The following PCDH15 variants were observed in gnomAD, a reference collection of about 807,000 sequenced individuals.
The protein encoded by PCDH15 is protocadherin-15.
In PCDH15, 129 loss-of-function variants were observed where a neutral mutation model predicts 178.5. That is an observed-to-expected ratio of 0.72 (90% CI 0.63 to 0.84). PCDH15 has a LOEUF of 0.84. PCDH15 is among the 40% of genes least tolerant of loss of function. The pLI, the probability that PCDH15 is intolerant of heterozygous loss-of-function variation, is 0.00. For missense variants in PCDH15, 2,230 were observed against 2,099.9 expected (o/e 1.06, Z -1.21); for synonymous variants, 800 against 732.0 (o/e 1.09, Z -1.50).
intron 17 of PCDH15, among the ~76,000 whole-genome samples, chr10:54,071,607 A>G (rs1456966235): frequency 6.6e-6 from 1 of 152,148 alleles, no homozygotes; most frequent in Non-Finnish European, 1.5e-5. Context: ...TTACATTTAT[A>G]TTAGATGATT....
intron 1 of PCDH15, among the ~76,000 whole-genome samples, chr10:55,250,488 A>G (rs982513911): frequency 6.6e-6 from 1 of 151,488 alleles, no homozygotes; most frequent in African/African-American, 2.4e-5. Context: ...CTTGTAAAAA[A>G]AAAAACTAGT....
In PCDH15 at chr10:54,340,435, G is replaced by A. The variant is rs1343577585; in HGVS notation, c.594+5930C>T. 2.0e-5 allele frequency among the ~76,000 whole-genome samples: 3 copies of A among 152,148 alleles called. No homozygotes were observed. The East Asian group carries it at 5.8e-4, about 29-fold the overall frequency. On this transcript the variant is annotated intron_variant, in intron 6 of 37. Transcript: ENST00000644397. ...AGTACACCTCTAGTATGAATCAAAA[G>A]AGAGGAAGAACCAAACATTTTTGGT... is the stretch of plus-strand genomic sequence containing the variant.
chr10:54,900,059 T>C (rs1379422142), intron 2 of PCDH15, among the ~76,000 whole-genome samples: 1 of 152,150 alleles, frequency 6.6e-6, no homozygotes, highest in Non-Finnish European at 1.5e-5. Context: ...CCACAAAAGA[T>C]TGACTGTGTT....
rs575941878 is a variant in PCDH15, at chr10:54,906,194, T to C, written c.-79-8694A>G. Among the ~76,000 whole-genome samples the C allele has an allele frequency of 7.9e-5, 12 of 152,194 alleles. No homozygotes were observed. The East Asian group carries it at 2.3e-3, about 29-fold the overall frequency. On this transcript the variant is annotated intron_variant, in intron 2 of 5. Coordinates refer to the PCDH15 transcript ENST00000458638. The stretch of plus-strand genomic sequence containing the variant: ...AGAATCCAACATCCAATTTGTAAAT[T>C]GATACTTCCAGAATATTATCCACAT...
chr10:53,935,837 A>C (rs764409575), intron 25 of PCDH15, among the ~76,000 whole-genome samples: 6 of 152,164 alleles, frequency 3.9e-5, no homozygotes, highest in Admixed American at 6.5e-5. Context: ...TCTTTATAAA[A>C]ATATTTTGGC....
intron 25 of PCDH15, among the ~76,000 whole-genome samples, chr10:53,919,388 G>A (rs1185791668): frequency 6.6e-6 from 1 of 152,182 alleles, no homozygotes; most frequent in Admixed American, 6.5e-5. Context: ...ATACAAATAT[G>A]GGAGCTCTCA....
intron 1 of PCDH15, among the ~76,000 whole-genome samples, chr10:55,316,859 A>C (rs1843734212): frequency 6.6e-6 from 1 of 152,168 alleles, no homozygotes; most frequent in South Asian, 2.1e-4. Flanking sequence ...ATAGTGGCTA[A>C]TATTGTTCTG....
chr10:54,214,203 A>G (rs1332151007), intron 9 of PCDH15, among the ~76,000 whole-genome samples, 155 bp from the exon 10 acceptor site: 1 of 152,246 alleles, frequency 6.6e-6, no homozygotes, highest in Non-Finnish European at 1.5e-5. Flanking sequence ...GCAGACACAA[A>G]TGTGGTATAT....
chr10:54,592,074 A>G (rs2091922767), intron 2 of PCDH15, among the ~76,000 whole-genome samples: 1 of 152,158 alleles, frequency 6.6e-6, no homozygotes, highest in South Asian at 2.1e-4. Context: ...AGCATCTTAC[A>G]TTTGTGAACA....
chr10:55,544,135 CATACATATATATAT>C (rs56130011), intron 2 of PCDH15, among the ~76,000 whole-genome samples: 7,777 of 96,170 alleles, frequency 0.081, 360 homozygotes, highest in Middle Eastern at 0.17. Flanking sequence ...AAATCTTATA[CATACATATATATAT>C]ATATATATAT....
At chr10:54,184,426 A>G (rs2048299691) in intron 12 of PCDH15, among the ~76,000 whole-genome samples, 1 of 151,820 alleles carries the variant, frequency 6.6e-6, no homozygotes, top group Non-Finnish European at 1.5e-5. Flanking sequence ...TATACTTGTT[A>G]TTTACGTGTT....
chr10:55,430,786 G>A (rs1838863710), intron 2 of PCDH15, among the ~76,000 whole-genome samples: 1 of 152,248 alleles, frequency 6.6e-6, no homozygotes, highest in African/African-American at 2.4e-5. Flanking sequence ...GAAACAGTAA[G>A]CCAATGCCTG....
At chr10:54,702,026 C>T (rs368464785) in intron 1 of PCDH15, among the ~76,000 whole-genome samples, 29 of 152,056 alleles carry the variant, frequency 1.9e-4, no homozygotes, top group African/African-American at 5.6e-4. Context: ...GTACATGACA[C>T]ATACTATATA....
At chr10:54,939,788 C>T (rs538392608) in intron 2 of PCDH15, among the ~76,000 whole-genome samples, 7 of 152,180 alleles carry the variant, frequency 4.6e-5, no homozygotes, top group Admixed American at 3.9e-4. Context: ...AGAAACAATG[C>T]CTTTTTGTTG....
At chr10:54,631,065 C>A (rs1312591178) in intron 2 of PCDH15, among the ~76,000 whole-genome samples, 1 of 152,078 alleles carries the variant, frequency 6.6e-6, no homozygotes, top group Non-Finnish European at 1.5e-5. Flanking sequence ...AAATTGTAAT[C>A]CCCGATGTTG....
At chr10:54,844,548 CT>C (rs1324354098) in intron 3 of PCDH15, among the ~76,000 whole-genome samples, 6 of 151,900 alleles carry the variant, frequency 3.9e-5, no homozygotes, top group African/African-American at 7.2e-5. Flanking sequence ...TCCCTCACTC[CT>C]GCTTTGGTGG....
intron 1 of PCDH15, among the ~76,000 whole-genome samples, chr10:54,690,633 GTTATT>G (rs2095103993): frequency 6.6e-6 from 1 of 151,986 alleles, no homozygotes; most frequent in African/African-American, 2.4e-5. Flanking sequence ...ATTTTTTATA[GTTATT>G]TTAGAGTATA....
At chr10:54,473,011 A>T (rs2078024659) in intron 3 of PCDH15, among the ~76,000 whole-genome samples, 1 of 152,198 alleles carries the variant, frequency 6.6e-6, no homozygotes, top group African/African-American at 2.4e-5. Flanking sequence ...AGACTTCTAC[A>T]TAATTGTGTA....
chr10:53,905,904 TATACA>T (rs953250175), intron 25 of PCDH15, among the ~76,000 whole-genome samples: 2 of 151,882 alleles, frequency 1.3e-5, no homozygotes, highest in African/African-American at 2.4e-5. Context: ...AACTAATGAC[TATACA>T]ATACAAAATT....
Sources: allele counts gnomAD v4.1 joint callset (sites outside exome capture counted in the v4.1 genomes callset), GRCh38; gene constraint gnomAD v4.1.1; transcripts MANE v1.5; gene names NCBI Gene and HGNC (gene_info 2026-07-23, HGNC 2026-07-21).